Variants in HDAC9 observed in about 807,000 individuals in gnomAD.
The protein encoded by HDAC9 is MEF-2 interacting transcription repressor (MITR) protein.
In HDAC9, 41 loss-of-function variants were observed where a neutral mutation model predicts 139.4. That is an observed-to-expected ratio of 0.29 (90% confidence interval 0.23 to 0.38). HDAC9 has a LOEUF of 0.38. Ranked by LOEUF, HDAC9 falls within the 10% of genes least tolerant of loss-of-function variation. The probability of loss-of-function intolerance (pLI) is 1.00; values close to 1 mark genes in which losing one functional copy is unlikely to be tolerated. For missense variants in HDAC9, 1,147 were observed against 1,297.0 expected (o/e 0.88, Z 1.78); for synonymous variants, 517 against 476.2 (o/e 1.09, Z -1.12).
chr7:18,556,409 A>G (rs945770489), intron 2 of HDAC9, among the ~76,000 whole-genome samples: 3 of 152,110 alleles, frequency 2.0e-5, no homozygotes, highest in Non-Finnish European at 4.4e-5. Flanking sequence ...GAAATAAGAA[A>G]TGTAGTAGGA....
chr7:18,208,152 T>C (rs1314528449), intron 2 of HDAC9, among the ~76,000 whole-genome samples: 1 of 152,200 alleles, frequency 6.6e-6, no homozygotes, highest in Admixed American at 6.5e-5. Flanking sequence ...AGCTTACCTG[T>C]GGGTGATTTC....
chr7:18,556,447 C>A (rs1012432419), intron 2 of HDAC9, among the ~76,000 whole-genome samples: 2 of 152,088 alleles, frequency 1.3e-5, no homozygotes, highest in Admixed American at 1.3e-4. Context: ...ACTTTTCTCT[C>A]ACCTTTTGGG....
chr7:18,830,958 T>G (rs80166250), intron 19 of HDAC9, among the ~76,000 whole-genome samples: 2 of 152,238 alleles, frequency 1.3e-5, no homozygotes, highest in Non-Finnish European at 2.9e-5. Context: ...TGTAAGATAT[T>G]AAAACTTTAA....
At chr7:18,764,902 T>C (rs778982044) in intron 15 of HDAC9, among the ~76,000 whole-genome samples, 1 of 152,172 alleles carries the variant, frequency 6.6e-6, no homozygotes, top group Non-Finnish European at 1.5e-5. Flanking sequence ...CTTTGTATCT[T>C]GAAAGACATC....
intron 6 of HDAC9, among the ~76,000 whole-genome samples, chr7:18,626,266 A>G (rs1304079870): frequency 6.6e-6 from 1 of 152,138 alleles, no homozygotes; most frequent in East Asian, 1.9e-4. Flanking sequence ...CAGCACTGTG[A>G]CAGGGAGAGT....
chr7:18,319,212 T>TAGTTTCTG (rs1799857408), intron 1 of HDAC9, among the ~76,000 whole-genome samples: 1 of 152,204 alleles, frequency 6.6e-6, no homozygotes. Flanking sequence ...CTAACTAGAG[T>TAGTTTCTG]AGTTTCTGTT....
intron 11 of HDAC9, 39 bp from the exon 12 acceptor site, chr7:18,666,174 G>T: frequency 6.5e-7 from 1 of 1,548,188 alleles, no homozygotes; most frequent in South Asian, 1.2e-5. Flanking sequence ...TTACCATGAA[G>T]AACTACTGAA....
chr7:18,980,200 A>AAT (rs1784810132), intron 25 of HDAC9, among the ~76,000 whole-genome samples: 1 of 152,156 alleles, frequency 6.6e-6, no homozygotes, highest in Non-Finnish European at 1.5e-5. Context: ...GACTTAGAAC[A>AAT]TTAGGGATGT....
chr7:18,897,930 A>G lies in HDAC9; in HGVS notation c.2803+23334A>G, dbSNP rs17140237. On this transcript the variant is annotated intron_variant, in intron 22 of 25. Transcript: ENST00000686413. ...GTCCATGTGTGATCTTTCTAGACAC[A>G]GTTTTTTACTGTCACTTTTAAAATG... 0.019 allele frequency among the ~76,000 whole-genome samples: 2,919 copies of G among 151,930 alleles called. 165 individuals are homozygous for G. In the East Asian group the frequency reaches 0.21, roughly 11 times the overall value.
chr7:18,201,194 C>T (rs1376983521), intron 2 of HDAC9, among the ~76,000 whole-genome samples: 1 of 152,114 alleles, frequency 6.6e-6, no homozygotes, highest in African/African-American at 2.4e-5. Flanking sequence ...GATTTTGTAC[C>T]TCTGGGTAGT....
chr7:18,693,576 T>A (rs1274785485), intron 12 of HDAC9, among the ~76,000 whole-genome samples: 2 of 152,136 alleles, frequency 1.3e-5, no homozygotes, highest in Non-Finnish European at 1.5e-5. Flanking sequence ...GCAGCACAAA[T>A]TGAGCAATTG....
chr7:18,135,258 T>TC (rs202090366), intron 1 of HDAC9, among the ~76,000 whole-genome samples: 7 of 149,526 alleles, frequency 4.7e-5, no homozygotes, highest in East Asian at 1.9e-4. Flanking sequence ...TTTCTTTCTT[T>TC]TTTTTTTTTT....
intron 12 of HDAC9, among the ~76,000 whole-genome samples, chr7:18,687,730 T>A (rs1214349444): frequency 6.6e-6 from 1 of 151,872 alleles, no homozygotes; most frequent in Non-Finnish European, 1.5e-5. Context: ...GAATAGGAAT[T>A]CAGAAAGGGA....
intron 24 of HDAC9, among the ~76,000 whole-genome samples, chr7:18,970,608 A>T (rs1689943078): frequency 2.0e-5 from 3 of 152,196 alleles, no homozygotes; most frequent in African/African-American, 7.2e-5. Context: ...GGATCATGCC[A>T]AAGTTCTCTA....
At chr7:18,739,124 G>T (rs1385836002) in intron 13 of HDAC9, among the ~76,000 whole-genome samples, 2 of 152,124 alleles carry the variant, frequency 1.3e-5, no homozygotes, top group African/African-American at 4.8e-5. Context: ...GCCATTTCAG[G>T]TCTTCTCTAC....
intron 1 of HDAC9, among the ~76,000 whole-genome samples, chr7:18,154,520 C>T (rs1787029682): frequency 6.6e-6 from 1 of 152,134 alleles, no homozygotes; most frequent in African/African-American, 2.4e-5. Context: ...TTCACCTTAC[C>T]AATGATTACT....
intron 12 of HDAC9, among the ~76,000 whole-genome samples, chr7:18,718,072 T>C (rs906372884): frequency 1.3e-5 from 2 of 152,254 alleles, no homozygotes; most frequent in South Asian, 2.1e-4. Flanking sequence ...CCAGAGTCAA[T>C]GTTAGAACAT....
intron 1 of HDAC9, among the ~76,000 whole-genome samples, chr7:18,343,126 A>G (rs1782141816): frequency 6.6e-6 from 1 of 151,740 alleles, no homozygotes; most frequent in Non-Finnish European, 1.5e-5. Flanking sequence ...GAAGACACAC[A>G]TTTATTTCCA....
chr7:18,230,016 A>G (rs1562772133), intron 2 of HDAC9, among the ~76,000 whole-genome samples: 1 of 152,210 alleles, frequency 6.6e-6, no homozygotes, highest in Non-Finnish European at 1.5e-5. Flanking sequence ...TACTCCCCAA[A>G]TAATTCTATT....
Sources: gnomAD v4.1 joint callset for allele counts (sites outside exome capture counted in the v4.1 genomes callset) on GRCh38, gnomAD v4.1.1 for gene constraint, MANE v1.5 for transcripts, NCBI Gene and HGNC (gene_info 2026-07-23, HGNC 2026-07-21) for gene names.